ARNT2: variants seen among roughly 807,000 people sequenced by gnomAD.
ARNT2 encodes aryl hydrocarbon receptor nuclear translocator 2, also known as ARNT protein 2.
ARNT2 carries 36 observed loss-of-function variants against 91.7 expected under a neutral mutation model. The observed-to-expected ratio is 0.39, with a 90% CI of 0.30 to 0.52. The LOEUF is 0.52. Among genes scored for constraint, ARNT2 ranks in the 20% least tolerant of loss-of-function variants. ARNT2 has a pLI of 0.72. For missense variants in ARNT2, 775 were observed against 939.3 expected (o/e 0.83, Z 2.29); for synonymous variants, 365 against 347.1 (o/e 1.05, Z -0.57).
intron 17 of ARNT2, among the ~76,000 whole-genome samples, chr15:80,586,699 C>T (rs1369809088): frequency 6.6e-6 from 1 of 151,992 alleles, no homozygotes; most frequent in African/African-American, 2.4e-5. Context: ...AACGTTGTCT[C>T]TACTAAAAAT....
At chr15:80,593,554 C>G in intron 18 of ARNT2, 46 bp from the exon 19 acceptor site, 1 of 1,475,152 alleles carries the variant, frequency 6.8e-7, no homozygotes, top group Non-Finnish European at 9.3e-7. Flanking sequence ...AGTGCACGGA[C>G]AGAGGAGCTG....
intron 8 of ARNT2, among the ~76,000 whole-genome samples, chr15:80,524,624 C>T (rs777536945): frequency 6.6e-6 from 1 of 152,146 alleles, no homozygotes; most frequent in Non-Finnish European, 1.5e-5. Flanking sequence ...CACCTGTAAT[C>T]CTAGCACTTT....
intron 7 of ARNT2, 115 bp downstream of exon 7, chr15:80,514,091 C>G: frequency 9.0e-7 from 1 of 1,114,660 alleles, no homozygotes; most frequent in Middle Eastern, 2.0e-4. Flanking sequence ...CCAAGAGAAC[C>G]AGACATCAGG....
chr15:80,477,761 G>A (rs567986449), intron 5 of ARNT2, among the ~76,000 whole-genome samples: 1 of 152,186 alleles, frequency 6.6e-6, no homozygotes. Flanking sequence ...TCACATTCTG[G>A]GGTACTGGGG....
intron 17 of ARNT2, among the ~76,000 whole-genome samples, chr15:80,584,471 G>A (rs758737212): frequency 1.3e-5 from 2 of 152,142 alleles, no homozygotes; most frequent in Non-Finnish European, 2.9e-5. Flanking sequence ...GGTTACTCCC[G>A]AGGGCACAGT....
Position 80,555,050 on chromosome 15 carries a change from G to C in ARNT2, c.1090-15G>C. ...AATGGATCTGGGATTATTAAAGCTT[G>C]TCTCTTTTATTTAGGATCTTCTGGG... On this transcript the variant is annotated splice_polypyrimidine_tract_variant and intron_variant, in intron 10 of 18. Coordinates refer to ENST00000303329, the MANE Select transcript of ARNT2 (RefSeq NM_014862.4). 1 of 1,611,418 alleles carries C rather than the reference G, an allele frequency of 6.2e-7. No homozygotes were observed. Among genetic ancestry groups the C allele is most frequent in the South Asian group, 1.1e-5 (1 of 91,002 alleles).
chr15:80,416,711 T>C (rs1336648865), intron 1 of ARNT2, among the ~76,000 whole-genome samples: 1 of 152,228 alleles, frequency 6.6e-6, no homozygotes, highest in Non-Finnish European at 1.5e-5. Context: ...TATCTCTCAA[T>C]TTGGTTTTGT....
At chr15:80,471,505 G>A (rs1259538913) in intron 4 of ARNT2, among the ~76,000 whole-genome samples, 5 of 152,144 alleles carry the variant, frequency 3.3e-5, no homozygotes, top group East Asian at 1.9e-4. Flanking sequence ...TTGGCAGTAC[G>A]TAACAAACCT....
At chr15:80,476,442 G>T (rs1273508654) in intron 5 of ARNT2, among the ~76,000 whole-genome samples, 11 of 152,134 alleles carry the variant, frequency 7.2e-5, no homozygotes, top group African/African-American at 2.7e-4. Flanking sequence ...CAATCACATT[G>T]GAACAAATTT....
intron 11 of ARNT2, among the ~76,000 whole-genome samples, chr15:80,561,731 A>T (rs1898357728): frequency 6.6e-6 from 1 of 152,184 alleles, no homozygotes; most frequent in Non-Finnish European, 1.5e-5. Flanking sequence ...GTGTATACAC[A>T]CTATGTTCAC....
chr15:80,512,251 T>C lies in ARNT2; in HGVS notation c.726-1660T>C, dbSNP rs564858050. Among the ~76,000 whole-genome samples, 7 of 152,340 alleles carry C rather than the reference T, an allele frequency of 4.6e-5. No individual in the cohort carries two copies. In the South Asian group the frequency reaches 1.4e-3, roughly 32 times the overall value. ...GAGACCTGCTTCTCTCACCCACTCC[T>C]TGGGCTCTGAGAACTGGCAGAGACC... On this transcript the variant is annotated intron_variant, in intron 6 of 18. Transcript: ENST00000303329.
intron 17 of ARNT2, among the ~76,000 whole-genome samples, chr15:80,584,068 C>A (rs1046837851): frequency 1.3e-5 from 2 of 152,192 alleles, no homozygotes; most frequent in African/African-American, 4.8e-5. Flanking sequence ...TGTTGAAAGC[C>A]AGGCTGTGGT....
At chr15:80,511,307 A>G (rs954110960) in intron 6 of ARNT2, among the ~76,000 whole-genome samples, 8 of 152,220 alleles carry the variant, frequency 5.3e-5, no homozygotes, top group African/African-American at 1.9e-4. Context: ...ATTCTCACTT[A>G]CAAGTGAGAG....
rs560560009 is a variant in ARNT2, at chr15:80,593,715, G to C, written c.*17G>C. The C allele has an allele frequency of 1.3e-6, 2 of 1,585,972 alleles. No homozygotes were observed. Among genetic ancestry groups the C allele is most frequent in the African/African-American group, 2.7e-5 (2 of 74,610 alleles). On this transcript the variant is annotated 3_prime_UTR_variant, in exon 19 of 19. Coordinates refer to ENST00000303329, the MANE Select transcript of ARNT2 (RefSeq NM_014862.4). ...TCTGAGTAGCTGCGGCCAGAGTGAG[G>C]CTCCTGCTGTACAGTGCCACCCATA...
At chr15:80,526,316 G>A (rs1199534578) in intron 8 of ARNT2, among the ~76,000 whole-genome samples, 6 of 152,190 alleles carry the variant, frequency 3.9e-5, no homozygotes, top group South Asian at 2.1e-4. Context: ...GATGGGCTGC[G>A]TTTTCCATTT....
chr15:80,453,528 CTA>C (rs1428890232), intron 2 of ARNT2, among the ~76,000 whole-genome samples: 1 of 152,214 alleles, frequency 6.6e-6, no homozygotes, highest in Non-Finnish European at 1.5e-5. Flanking sequence ...TGCTGAAATT[CTA>C]TGACTGAGGC....
chr15:80,444,354 TGGTGTG>T, intron 1 of ARNT2: 1 of 107,340 alleles, frequency 9.3e-6, no homozygotes, highest in Non-Finnish European at 1.8e-5. Flanking sequence ...TGTGTGTACG[TGGTGTG>T]TGTGTGTGTG....
At chr15:80,531,426 G>A (rs1168938091) in intron 8 of ARNT2, among the ~76,000 whole-genome samples, 3 of 152,242 alleles carry the variant, frequency 2.0e-5, no homozygotes, top group East Asian at 1.9e-4. Context: ...GGGGCACAAT[G>A]AGCTTGTGAA....
At position 80,513,918 on chromosome 15, in the gene ARNT2, A is replaced by G; in HGVS notation, c.733A>G (p.Asn245Asp). 1 of 1,613,242 alleles carries G rather than the reference A, an allele frequency of 6.2e-7. No individual in the cohort carries two copies. Among genetic ancestry groups the G allele is most frequent in the Non-Finnish European group, 8.5e-7 (1 of 1,179,286 alleles). The change falls in exon 7 of 19, where the codon AAT becomes GAT. Residue 245 changes from asparagine to aspartate, a missense_variant. Around this residue, in one of 5 missense-constraint regions of ARNT2, gnomAD observed 285 missense variants for 327.2 expected, o/e 0.87. Coordinates refer to ENST00000303329, the MANE Select transcript of ARNT2 (RefSeq NM_014862.4). ...RSFICRMRCG[N>D]APLDHLPLNR... ...ACACTTGTCACATCTTAGGTGTGGAAATGCTCCTTTGGACCACCTTCCTCT... is the reference window on the plus strand; with the variant it reads ...ACACTTGTCACATCTTAGGTGTGGAGATGCTCCTTTGGACCACCTTCCTCT...
Sources: gnomAD v4.1 joint callset for allele counts (sites outside exome capture counted in the v4.1 genomes callset) on GRCh38, gnomAD v4.1.1 for gene constraint, gnomAD v4.1.1 regional missense constraint, MANE v1.5 for transcripts, NCBI Gene and HGNC (gene_info 2026-07-23, HGNC 2026-07-21) for gene names.